Variants in PALM2AKAP2 observed in about 807,000 individuals in gnomAD.
The protein encoded by PALM2AKAP2 is PALM2-AKAP2 fusion protein.
A neutral mutation model predicts 71.5 loss-of-function variants in PALM2AKAP2; 37 were observed. The observed-to-expected ratio is 0.52, with a 90% CI of 0.40 to 0.68. The LOEUF is 0.68. Among genes scored for constraint, PALM2AKAP2 ranks in the 30% least tolerant of loss-of-function variants. The pLI is 0.00. For synonymous variants in PALM2AKAP2, 468 were observed against 478.8 expected (o/e 0.98, Z 0.29); for missense variants, 1,224 against 1,191.8 (o/e 1.03, Z -0.40).
chr9:109,647,004 C>T (rs78318591), intron 1 of PALM2AKAP2, among the ~76,000 whole-genome samples: 6,041 of 152,216 alleles, frequency 0.04, 184 homozygotes, highest in Non-Finnish European at 0.066. Context: ...GTAAATATCC[C>T]CATTTTCCAT....
intron 1 of PALM2AKAP2, among the ~76,000 whole-genome samples, chr9:109,679,970 G>A (rs1827705411): frequency 6.6e-6 from 1 of 152,198 alleles, no homozygotes; most frequent in African/African-American, 2.4e-5. Context: ...TTGTTCATCT[G>A]TAAAATGGAA....
intron 1 of PALM2AKAP2, chr9:110,090,146 G>T (rs1834672143): frequency 3.3e-6 from 1 of 307,540 alleles, no homozygotes; most frequent in Admixed American, 4.3e-5. Context: ...AACCGGAGAA[G>T]TCGGGCCGGT....
At chr9:109,913,373 T>C (rs906872694) in intron 3 of PALM2AKAP2, among the ~76,000 whole-genome samples, 3 of 152,126 alleles carry the variant, frequency 2.0e-5, no homozygotes, top group African/African-American at 7.2e-5. Flanking sequence ...CGGACACAAA[T>C]AGCGCACCAA....
At chr9:110,103,717 C>G (rs1211083651) in intron 1 of PALM2AKAP2, among the ~76,000 whole-genome samples, 3 of 152,058 alleles carry the variant, frequency 2.0e-5, no homozygotes, top group African/African-American at 7.2e-5. Context: ...AATTTTTGTC[C>G]TTTTTTGAAT....
chr9:110,034,404 C>T (rs540783190), intron 7 of PALM2AKAP2, among the ~76,000 whole-genome samples: 6 of 152,082 alleles, frequency 3.9e-5, no homozygotes, highest in Non-Finnish European at 7.4e-5. Flanking sequence ...GTGACCTGCT[C>T]GCCTCGGCCT....
intron 1 of PALM2AKAP2, among the ~76,000 whole-genome samples, chr9:109,762,495 T>C (rs971714346): frequency 2.6e-5 from 4 of 152,194 alleles, no homozygotes; most frequent in African/African-American, 9.6e-5. Context: ...TTTAAATTAA[T>C]TGATCGATTA....
At chr9:109,875,157 G>T (rs570646858) in intron 2 of PALM2AKAP2, among the ~76,000 whole-genome samples, 1 of 152,048 alleles carries the variant, frequency 6.6e-6, no homozygotes, top group South Asian at 2.1e-4. Context: ...CATTTGTTCC[G>T]GTCCACAAAC....
intron 3 of PALM2AKAP2, among the ~76,000 whole-genome samples, chr9:109,910,584 G>C (rs1349072732): frequency 6.6e-6 from 1 of 152,040 alleles, no homozygotes; most frequent in Non-Finnish European, 1.5e-5. Flanking sequence ...GATCAAATAT[G>C]TTTTTAAAAA....
intron 2 of PALM2AKAP2, among the ~76,000 whole-genome samples, chr9:109,876,102 A>G (rs1168104697): frequency 6.6e-6 from 1 of 152,104 alleles, no homozygotes; most frequent in Non-Finnish European, 1.5e-5. Flanking sequence ...TTTTTGATGT[A>G]TGTTATTTAG....
At chr9:109,716,841 G>T (rs1337372557) in intron 1 of PALM2AKAP2, among the ~76,000 whole-genome samples, 1 of 152,190 alleles carries the variant, frequency 6.6e-6, no homozygotes, top group Non-Finnish European at 1.5e-5. Context: ...ATGTGGTTAG[G>T]TTTGGCTTTT....
intron 1 of PALM2AKAP2, among the ~76,000 whole-genome samples, chr9:109,700,104 A>G (rs1025950120): frequency 7.9e-5 from 12 of 152,138 alleles, no homozygotes; most frequent in African/African-American, 2.9e-4. Context: ...ATATTGTACC[A>G]AATGGGAAGG....
At chr9:109,642,398 T>G (rs1827083492) in intron 1 of PALM2AKAP2, among the ~76,000 whole-genome samples, 1 of 151,232 alleles carries the variant, frequency 6.6e-6, no homozygotes, top group African/African-American at 2.4e-5. Flanking sequence ...ATAAGCTCAA[T>G]AAATATCATC....
intron 1 of PALM2AKAP2, among the ~76,000 whole-genome samples, chr9:109,842,685 C>T (rs563763630): frequency 1.3e-5 from 2 of 152,098 alleles, no homozygotes; most frequent in Admixed American, 1.3e-4. Context: ...AAAAAACAGA[C>T]TAATGATATC....
At chr9:109,989,832 G>A (rs1290877163) in intron 6 of PALM2AKAP2, among the ~76,000 whole-genome samples, 3 of 152,092 alleles carry the variant, frequency 2.0e-5, no homozygotes, top group East Asian at 1.9e-4. Context: ...TCCACCATTC[G>A]CCACGTGGGC....
At chr9:110,025,431 G>A (rs1398349419) in intron 7 of PALM2AKAP2, 1 of 683,750 alleles carries the variant, frequency 1.5e-6, no homozygotes, top group East Asian at 2.6e-5. Flanking sequence ...ACAAGTTGAT[G>A]GATTTTGAGG....
At chr9:109,646,883 G>C (rs940153921) in intron 1 of PALM2AKAP2, among the ~76,000 whole-genome samples, 8 of 152,140 alleles carry the variant, frequency 5.3e-5, no homozygotes, top group Admixed American at 4.6e-4. Context: ...AGCATATGGT[G>C]GGCATTAAAC....
At chr9:110,016,600 T>C (rs1832983967) in intron 7 of PALM2AKAP2, among the ~76,000 whole-genome samples, 2 of 152,194 alleles carry the variant, frequency 1.3e-5, no homozygotes, top group Admixed American at 1.3e-4. Flanking sequence ...ACTATCACTG[T>C]TCAAATTAAA....
chr9:109,715,883 T>C (rs1828312087), intron 1 of PALM2AKAP2, among the ~76,000 whole-genome samples: 1 of 152,332 alleles, frequency 6.6e-6, no homozygotes, highest in South Asian at 2.1e-4. Flanking sequence ...GCAAATATAC[T>C]CTTCTCTATG....
intron 6 of PALM2AKAP2, among the ~76,000 whole-genome samples, chr9:110,013,873 G>T (rs1452287397): frequency 6.6e-6 from 1 of 152,180 alleles, no homozygotes; most frequent in African/African-American, 2.4e-5. Context: ...TAGAAATGCT[G>T]GAGTATGGCA....
Sources: gnomAD v4.1 joint callset for allele counts (sites outside exome capture counted in the v4.1 genomes callset) on GRCh38, gnomAD v4.1.1 for gene constraint, MANE v1.5 for transcripts, NCBI Gene and HGNC (gene_info 2026-07-23, HGNC 2026-07-21) for gene names.